Variants in CYP11B1 observed in about 807,000 individuals in gnomAD.
The protein encoded by CYP11B1 is cytochrome P450 family 11 subfamily B member 1.
In CYP11B1, 34 loss-of-function variants were observed where a neutral mutation model predicts 48.3. The observed-to-expected ratio is 0.70, with a 90% CI of 0.54 to 0.94. The LOEUF is 0.94. CYP11B1 is among the 40% of genes least tolerant of loss of function. CYP11B1 has a pLI of 0.00. For missense variants in CYP11B1, 688 were observed against 657.4 expected (o/e 1.05, Z -0.51); for synonymous variants, 291 against 262.5 (o/e 1.11, Z -1.05).
chr8:142,876,259 A>G lies in CYP11B1; in HGVS notation c.936T>C (p.Thr312=). 6.2e-7 allele frequency: 1 copy of G among 1,614,214 alleles called. No individual in the cohort carries two copies. Among genetic ancestry groups the G allele is most frequent in the African/African-American group, 1.3e-5 (1 of 75,058 alleles). The change falls in exon 5 of 9, where the codon ACT becomes ACC. Residue 312 remains threonine (T), a synonymous_variant. Transcript: ENST00000292427. The part of the protein sequence containing the change: ...DAIKANSMEL[T]AGSVDTTVFP... Reference sequence around the variant, plus strand: ...GCCTGACCGTGTCCACGCTCCCTGCAGTGAGTTCCATAGAGTTGGCCTTGA... The same window carrying G: ...GCCTGACCGTGTCCACGCTCCCTGCGGTGAGTTCCATAGAGTTGGCCTTGA...
chr8:142,876,032 C>G, intron 5 of CYP11B1, 154 bp from the exon 6 acceptor site: 1 of 1,154,326 alleles, frequency 8.7e-7, no homozygotes. Flanking sequence ...CCATCCAAAC[C>G]CCTTTCCCTG....
chr8:142,879,737 G>C lies in CYP11B1; in HGVS notation c.77C>G (p.Thr26Arg), dbSNP rs139569725. Residue 26 changes from threonine to arginine, a missense_variant, in exon 1 of 9, where the codon ACG (threonine) becomes AGG (arginine). Coordinates refer to ENST00000292427, the MANE Select transcript of CYP11B1 (RefSeq NM_000497.4). ...TGTCCTGGGGACCCGGGCGGCTCTC[G>C]TGCCCAGTGCCTGTGCCCTTTGCAG... is the stretch of plus-strand genomic sequence containing the variant. ...LSLQRAQALG[T>R]RAARVPRTVL... is the part of the protein sequence containing the mutation. The C allele has an allele frequency of 6.2e-7, 1 of 1,614,202 alleles. No homozygotes were observed.
intron 3 of CYP11B1, 36 bp from the exon 4 acceptor site, chr8:142,876,921 C>A: frequency 6.2e-7 from 1 of 1,613,752 alleles, no homozygotes; most frequent in South Asian, 1.1e-5. Flanking sequence ...ACAAGGCAGC[C>A]CCGGGCCTCC....
intron 5 of CYP11B1, 80 bp from the exon 6 acceptor site, chr8:142,875,958 C>T (rs1237893428): frequency 4.9e-5 from 77 of 1,558,926 alleles, no homozygotes; most frequent in Non-Finnish European, 6.6e-5. Flanking sequence ...GACAACCTCC[C>T]TGTGAGGGGT....
Position 142,874,022 on chromosome 8 carries a change from A to T in CYP11B1, c.*351T>A, listed in dbSNP as rs188465720. On this transcript the variant is annotated 3_prime_UTR_variant, in exon 9 of 9. Transcript: ENST00000292427. ...GGAACAGGGACATGTGAGACTAGGCAGGAAGGCAAGGGACAAAACCACAGC... is the reference window on the plus strand; with the variant it reads ...GGAACAGGGACATGTGAGACTAGGCTGGAAGGCAAGGGACAAAACCACAGC... 2 of 381,776 alleles carry T rather than the reference A, an allele frequency of 5.2e-6. No homozygotes were observed. The highest frequency in any genetic ancestry group is 1.2e-4 in the East Asian group (2 of 16,592). 23.6% of individuals were successfully genotyped at this position (381,776 alleles called of 1,614,324 possible). A position where few individuals can be genotyped will look rare whatever the true frequency, so the allele number is the denominator to read the frequency against.
chr8:142,877,900 C>G, intron 2 of CYP11B1: 1 of 1,344,182 alleles, frequency 7.4e-7, no homozygotes, highest in South Asian at 1.2e-5. Flanking sequence ...TGATGGCAGG[C>G]AGAAGATGCA....
intron 1 of CYP11B1, 175 bp downstream of exon 1, chr8:142,879,400 C>T (rs750383712): frequency 3.7e-6 from 6 of 1,612,026 alleles, no homozygotes; most frequent in African/African-American, 2.7e-5. Context: ...TGCTCTGCAC[C>T]ATCCCCTGCC....
chr8:142,875,826 A>T lies in CYP11B1; in HGVS notation c.1007T>A (p.Val336Glu). 1 of 1,614,078 alleles carries T rather than the reference A, an allele frequency of 6.2e-7. No individual in the cohort carries two copies. The highest frequency in any genetic ancestry group is 1.1e-5 in the South Asian group (1 of 91,078). The change falls in exon 6 of 9, where the codon GTG becomes GAG. Residue 336 changes from valine (V) to glutamate (E), a missense_variant. Transcript: ENST00000292427. The part of the protein sequence containing the change: ...TLFELARNPN[V>E]QQALRQESLA... ...GCTCTCCTGGCGCAGGGCCTGCTGCACGTTGGGGTTCCGAGCCAGCTCAAA... is the reference window on the plus strand; with the variant it reads ...GCTCTCCTGGCGCAGGGCCTGCTGCTCGTTGGGGTTCCGAGCCAGCTCAAA...
rs1816864336 is a variant in CYP11B1, at chr8:142,874,236, G to A, written c.*137C>T. ...ACCCTGGTCCTAGAGGCCCTCGGGAGTTCCATTTGTGCTGGGGCTGGTTAG... is the reference window on the plus strand; with the variant it reads ...ACCCTGGTCCTAGAGGCCCTCGGGAATTCCATTTGTGCTGGGGCTGGTTAG... On this transcript the variant is annotated 3_prime_UTR_variant, in exon 9 of 9. Coordinates refer to ENST00000292427, the MANE Select transcript of CYP11B1 (RefSeq NM_000497.4). The A allele has an allele frequency of 2.5e-5, 18 of 727,910 alleles. No homozygotes were observed. In the South Asian group the frequency reaches 2.5e-4, roughly 10 times the overall value. 45.1% of individuals were successfully genotyped at this position (727,910 alleles called of 1,614,324 possible). A position where few individuals can be genotyped will look rare whatever the true frequency, so the allele number is the denominator to read the frequency against.
Position 142,872,816 on chromosome 8 carries a change from G to A in CYP11B1, c.*1557C>T, listed in dbSNP as rs1430320679. Reference sequence around the variant, plus strand: ...ACGATAATAGCAGGGCCGGGCCTTTGAGGGGGGAAGGGAATGCAGGCAGTG... The same window carrying A: ...ACGATAATAGCAGGGCCGGGCCTTTAAGGGGGGAAGGGAATGCAGGCAGTG... On this transcript the variant is annotated 3_prime_UTR_variant, in exon 9 of 9. Transcript: ENST00000292427. 6.6e-6 allele frequency: 1 copy of A among 152,196 alleles called. No homozygotes were observed. Among genetic ancestry groups the A allele is most frequent in the African/African-American group, 2.4e-5 (1 of 41,448 alleles). 9.4% of individuals were successfully genotyped at this position (152,196 alleles called of 1,614,324 possible). A position where few individuals can be genotyped will look rare whatever the true frequency, so the allele number is the denominator to read the frequency against.
Position 142,879,602 on chromosome 8 carries a change from G to A in CYP11B1, c.212C>T (p.Thr71Ile). Residue 71 changes from threonine to isoleucine, a missense_variant, in exon 1 of 9, where the codon ACC becomes ATC. Transcript: ENST00000292427. ...GAAAATGGGCCCTAGTTCCTGGAAG[G>A]TCTGGTGTACTTCCAGGTGCAGGTC... ...YEDLHLEVHQ[T>I]FQELGPIFRY... 1 of 1,614,230 alleles carries A rather than the reference G, an allele frequency of 6.2e-7. No homozygotes were observed. The highest frequency in any genetic ancestry group is 8.5e-7 in the Non-Finnish European group (1 of 1,180,026).
intron 6 of CYP11B1, 34 bp downstream of exon 6, chr8:142,875,678 C>T: frequency 6.2e-7 from 1 of 1,611,376 alleles, no homozygotes; most frequent in Non-Finnish European, 8.5e-7. Context: ...CAGCAGGGGG[C>T]CAGGGCCACA....
rs780475464 is a variant in CYP11B1 at position 142,875,760 on chromosome 8, G to T, written c.1073C>A (p.Ala358Glu). 1 of 1,614,116 alleles carries T rather than the reference G, an allele frequency of 6.2e-7. No homozygotes were observed. The highest frequency in any genetic ancestry group is 8.5e-7 in the Non-Finnish European group (1 of 1,180,024). The change falls in exon 6 of 9, where the codon GCA becomes GAA. Residue 358 changes from alanine (A) to glutamate (E), a missense_variant. Coordinates refer to ENST00000292427, the MANE Select transcript of CYP11B1 (RefSeq NM_000497.4). The part of the protein sequence containing the change: ...AASISEHPQK[A>E]TTELPLLRAA... ...ACGCAGCAAGGGCAGCTCGGTGGTTGCCTTCTGGGGATGTTCACTGATGCT... is the reference window on the plus strand; with the variant it reads ...ACGCAGCAAGGGCAGCTCGGTGGTTTCCTTCTGGGGATGTTCACTGATGCT...
chr8:142,876,525 A>C (rs918676158), intron 4 of CYP11B1, 130 bp from the exon 5 acceptor site: 7 of 1,545,312 alleles, frequency 4.5e-6, no homozygotes, highest in Non-Finnish European at 6.1e-6. Context: ...GGATCAGCCC[A>C]GCCCAGCCCC....
In CYP11B1 at chr8:142,879,771, A is replaced by G; in HGVS notation, c.43T>C (p.Trp15Arg). 1.2e-6 allele frequency: 2 copies of G among 1,614,182 alleles called. No homozygotes were observed. Among genetic ancestry groups the G allele is most frequent in the Non-Finnish European group, 1.7e-6 (2 of 1,180,042 alleles). ...AKAEVCMAVP[W>R]LSLQRAQALG... Reference sequence around the variant, plus strand: ...GCCTGTGCCCTTTGCAGGGACAGCCAGGGCACTGCCATGCACACCTCTGCC... The same window carrying G: ...GCCTGTGCCCTTTGCAGGGACAGCCGGGGCACTGCCATGCACACCTCTGCC... Residue 15 changes from tryptophan to arginine, a missense_variant, in exon 1 of 9, where the codon TGG becomes CGG. Coordinates refer to ENST00000292427, the MANE Select transcript of CYP11B1 (RefSeq NM_000497.4).
At chr8:142,876,004 G>C in intron 5 of CYP11B1, 126 bp from the exon 6 acceptor site, 1 of 1,286,306 alleles carries the variant, frequency 7.8e-7, no homozygotes, top group Non-Finnish European at 1.1e-6. Flanking sequence ...CAGAGCCCAA[G>C]ACTTCAAATC....
chr8:142,877,809 A>T, intron 2 of CYP11B1: 3 of 1,595,694 alleles, frequency 1.9e-6, no homozygotes, highest in Non-Finnish European at 2.5e-6. Context: ...AATGGTGGGG[A>T]GGAATTTCCC....
At position 142,879,708 on chromosome 8, in the gene CYP11B1, G is replaced by A; in HGVS notation, c.106C>T (p.Leu36=). Residue 36 remains leucine (L), a synonymous_variant, in exon 1 of 9, where the codon CTG becomes TTG. Transcript: ENST00000292427. ...CGCCGGGGCATGGCTTCAAAGGGCA[G>A]CACTGTCCTGGGGACCCGGGCGGCT... The part of the protein sequence containing the change: ...TRAARVPRTV[L]PFEAMPRRPG... 9.9e-6 allele frequency: 16 copies of A among 1,614,256 alleles called. No individual in the cohort carries two copies. The highest frequency in any genetic ancestry group is 1.4e-5 in the Non-Finnish European group (16 of 1,180,042).
Position 142,879,056 on chromosome 8 carries a change from C to T in CYP11B1, c.371G>A (p.Gly124Glu), listed in dbSNP as rs1487657444. The change falls in exon 2 of 9, where the codon GGG becomes GAG. Residue 124 changes from glycine to glutamate, a missense_variant. By Grantham distance (98) the Gly-to-Glu change is moderately conservative. Transcript: ENST00000292427. Reference protein sequence around the residue: ...EPWVAYRQHRGHKCGVFLLNG... With the variant: ...EPWVAYRQHREHKCGVFLLNG... The stretch of plus-strand genomic sequence containing the variant: ...CAGCAAGAACACGCCACATTTGTGC[C>T]CACGATGTTGTCTGTAGGCCACCCA... The T allele has an allele frequency of 2.5e-6, 4 of 1,614,058 alleles. No homozygotes were observed. In the African/African-American group the frequency reaches 4.0e-5, roughly 16 times the overall value.
Sources: allele counts gnomAD v4.1 joint callset, GRCh38; gene constraint gnomAD v4.1.1; transcripts MANE v1.5; gene names NCBI Gene and HGNC (gene_info 2026-07-23, HGNC 2026-07-21).